Variants in MCU observed in about 807,000 individuals in gnomAD.
The protein encoded by MCU is calcium uniporter protein, mitochondrial.
In MCU, 12 loss-of-function variants were observed where a neutral mutation model predicts 45.2. That is an observed-to-expected ratio of 0.27 (90% CI 0.17 to 0.43). The LOEUF (loss-of-function observed/expected upper bound fraction) is 0.43, where lower values mean the gene tolerates loss of function less well. MCU is among the 20% of genes least tolerant of loss of function. The pLI is 1.00. For synonymous variants in MCU, 160 were observed against 165.1 expected (o/e 0.97, Z 0.24); for missense variants, 324 against 436.7 (o/e 0.74, Z 2.30).
chr10:72,821,605 G>T lies in MCU; in HGVS notation c.151-12754G>T, dbSNP rs535992053. Among the ~76,000 whole-genome samples the T allele has an allele frequency of 6.5e-4, 99 of 152,022 alleles. 1 individual carries two copies. The highest frequency in any genetic ancestry group is 1.0e-3 in the Non-Finnish European group (70 of 68,004). On this transcript the variant is annotated intron_variant, in intron 1 of 7. Transcript: ENST00000373053. ...TGACTTTTACTCCACAATGTTTAGG[G>T]TGGCAGCATATTATATTTAGAAAGT...
chr10:72,865,390 T>C (rs1272343915), intron 4 of MCU, among the ~76,000 whole-genome samples: 4 of 152,188 alleles, frequency 2.6e-5, no homozygotes, highest in Non-Finnish European at 5.9e-5. Context: ...AGCATTGGTG[T>C]AGAATTTCAA....
At chr10:72,767,995 T>C (rs1843751830) in intron 1 of MCU, among the ~76,000 whole-genome samples, 1 of 151,988 alleles carries the variant, frequency 6.6e-6, no homozygotes, top group Non-Finnish European at 1.5e-5. Context: ...TGAGGGAACA[T>C]AGAAAATGTC....
rs1843934643 is a variant in MCU at position 72,778,494 on chromosome 10, G to A, written c.151-55865G>A. 2.0e-5 allele frequency among the ~76,000 whole-genome samples: 3 copies of A among 152,272 alleles called. No individual in the cohort carries two copies. In the South Asian group the frequency reaches 6.2e-4, roughly 32 times the overall value. On this transcript the variant is annotated intron_variant, in intron 1 of 7. Coordinates refer to ENST00000373053, the MANE Select transcript of MCU (RefSeq NM_138357.3). ...AAAGTGGATCTCATGAAGATAGAGT[G>A]TAGAATGGTAGTTACAGAGGCTGGG...
chr10:72,810,022 TTGTATG>T (rs752640365), intron 1 of MCU, among the ~76,000 whole-genome samples: 1 of 150,000 alleles, frequency 6.7e-6, no homozygotes, highest in Non-Finnish European at 1.5e-5. Flanking sequence ...GTGTGTGTGT[TTGTATG>T]TGTGTGCGCG....
intron 1 of MCU, among the ~76,000 whole-genome samples, chr10:72,718,499 C>T (rs994173435): frequency 6.6e-6 from 1 of 152,170 alleles, no homozygotes; most frequent in African/African-American, 2.4e-5. Flanking sequence ...GTTTTGGAGT[C>T]CATACCTTCT....
chr10:72,816,855 A>G (rs1193118171), intron 1 of MCU, among the ~76,000 whole-genome samples: 4 of 152,244 alleles, frequency 2.6e-5, no homozygotes, highest in East Asian at 3.8e-4. Context: ...ACAAGTTCAT[A>G]TAAGTGTGAT....
chr10:72,837,194 ATT>A (rs755289387), intron 2 of MCU, among the ~76,000 whole-genome samples: 2 of 145,868 alleles, frequency 1.4e-5, no homozygotes, highest in African/African-American at 5.0e-5. Context: ...CAGGTTCTAG[ATT>A]TTTTTTTTTT....
intron 1 of MCU, among the ~76,000 whole-genome samples, chr10:72,793,982 T>C (rs573882646): frequency 9.2e-5 from 14 of 152,320 alleles, no homozygotes; most frequent in South Asian, 4.1e-4. Context: ...ATCCCTCACA[T>C]ATGCAAATTA....
In MCU at chr10:72,867,854, C is replaced by CAA. The variant is rs777086421; in HGVS notation, c.497-831_497-830dup. Among the ~76,000 whole-genome samples the CAA allele has an allele frequency of 9.9e-4, 62 of 62,808 alleles. 1 individual carries two copies. Among genetic ancestry groups the CAA allele is most frequent in the East Asian group, 4.8e-3 (13 of 2,736 alleles). The allele number at this position is 62,808 out of a possible 152,430, so 41.2% of individuals were successfully genotyped here. On this transcript the variant is annotated intron_variant, in intron 4 of 7. Transcript: ENST00000373053. The stretch of plus-strand genomic sequence containing the variant: ...TGGGTAACAGAGTGAGACTTTGTCT[C>CAA]AAAAAAAAAAAAAAAAAAAGATTAT...
intron 1 of MCU, among the ~76,000 whole-genome samples, chr10:72,824,797 T>A (rs183408519): frequency 6.6e-5 from 10 of 152,280 alleles, no homozygotes; most frequent in African/African-American, 2.4e-4. Context: ...GGTCTATAGT[T>A]ATTTATATTT....
At chr10:72,774,705 C>T (rs1256122002) in intron 1 of MCU, among the ~76,000 whole-genome samples, 2 of 152,046 alleles carry the variant, frequency 1.3e-5, no homozygotes, top group African/African-American at 2.4e-5. Flanking sequence ...TGGAATAAGA[C>T]ATTCCATGCA....
chr10:72,776,564 A>G (rs1459363381), intron 1 of MCU, among the ~76,000 whole-genome samples: 1 of 152,218 alleles, frequency 6.6e-6, no homozygotes, highest in Non-Finnish European at 1.5e-5. Context: ...GAAGGAGCAT[A>G]CCTCAAAATA....
intron 1 of MCU, among the ~76,000 whole-genome samples, chr10:72,778,540 G>A (rs1284110535): frequency 1.3e-5 from 2 of 152,120 alleles, no homozygotes; most frequent in Non-Finnish European, 2.9e-5. Flanking sequence ...GCCGGGGGGT[G>A]GGGTTTGGGA....
intron 1 of MCU, among the ~76,000 whole-genome samples, chr10:72,812,150 G>GT (rs1204155418): frequency 6.0e-5 from 9 of 149,736 alleles, no homozygotes; most frequent in East Asian, 3.9e-4. Flanking sequence ...TTTTCTTTTT[G>GT]TTTTTTTTCT....
chr10:72,753,041 A>C (rs1313398921), intron 1 of MCU, among the ~76,000 whole-genome samples: 6 of 152,236 alleles, frequency 3.9e-5, no homozygotes. Context: ...ATTTAAAGCA[A>C]GAAAGTTCAG....
intron 1 of MCU, among the ~76,000 whole-genome samples, chr10:72,701,644 A>G (rs551568623): frequency 6.6e-6 from 1 of 152,082 alleles, no homozygotes; most frequent in East Asian, 1.9e-4. Flanking sequence ...CTCCTGCCTC[A>G]TCCTCCCGAG....
chr10:72,742,022 C>CAAAAAAAAAAAAA (rs59028044), intron 1 of MCU, among the ~76,000 whole-genome samples: 4 of 72,866 alleles, frequency 5.5e-5, no homozygotes, highest in African/African-American at 1.1e-4. Context: ...GACTCCGTCT[C>CAAAAAAAAAAAAA]AAAAAAAAAA....
intron 1 of MCU, among the ~76,000 whole-genome samples, chr10:72,786,853 C>T (rs1844079300): frequency 6.6e-6 from 1 of 152,194 alleles, no homozygotes; most frequent in African/African-American, 2.4e-5. Flanking sequence ...CATGCCATCA[C>T]TGGTAGAATA....
intron 1 of MCU, among the ~76,000 whole-genome samples, chr10:72,767,361 G>A (rs1843742957): frequency 6.6e-6 from 1 of 152,136 alleles, no homozygotes; most frequent in South Asian, 2.1e-4. Flanking sequence ...AGATTACATA[G>A]GACTATGTGA....
Sources: allele counts gnomAD v4.1 joint callset (sites outside exome capture counted in the v4.1 genomes callset), GRCh38; gene constraint gnomAD v4.1.1; transcripts MANE v1.5; gene names NCBI Gene and HGNC (gene_info 2026-07-23, HGNC 2026-07-21).